The following EPHB2 variants were observed in gnomAD, a reference collection of about 807,000 sequenced individuals.
EPHB2 encodes the protein EPH receptor B2.
A neutral mutation model predicts 96.4 loss-of-function variants in EPHB2; 18 were observed. The ratio of observed to expected loss-of-function variants is 0.19; its 90% CI spans 0.13 to 0.28. The LOEUF is 0.28. Ranked by LOEUF, EPHB2 falls within the 10% of genes least tolerant of loss-of-function variation. The pLI, the probability that EPHB2 is intolerant of heterozygous loss-of-function variation, is 1.00. For synonymous variants in EPHB2, 506 were observed against 534.1 expected (o/e 0.95, Z 0.72); for missense variants, 989 against 1,355.4 (o/e 0.73, Z 4.25).
At chr1:22,791,467 CTTTCT>C (rs1202177224) in intron 3 of EPHB2, among the ~76,000 whole-genome samples, 190 of 129,062 alleles carry the variant, frequency 1.5e-3, no homozygotes, top group East Asian at 0.01. Flanking sequence ...TTCTTTCTTT[CTTTCT>C]TTTTTTTTTT....
intron 5 of EPHB2, among the ~76,000 whole-genome samples, chr1:22,877,013 C>T (rs1240196752): frequency 7.0e-5 from 10 of 142,304 alleles, no homozygotes; most frequent in Admixed American, 6.9e-4. Flanking sequence ...AGAGCTGGGG[C>T]GGGCCGGGTG....
intron 4 of EPHB2, 141 bp downstream of exon 4, chr1:22,863,333 A>C: frequency 7.1e-7 from 1 of 1,409,600 alleles, no homozygotes; most frequent in Non-Finnish European, 9.7e-7. Flanking sequence ...GTGCTCAAGA[A>C]AGGGGCATCC....
intron 9 of EPHB2, among the ~76,000 whole-genome samples, chr1:22,904,126 T>C (rs1399126358): frequency 1.3e-5 from 2 of 152,082 alleles, no homozygotes; most frequent in Non-Finnish European, 1.5e-5. Context: ...ATTAAAACTC[T>C]ATGAAAAATA....
chr1:22,916,818 G>A lies in EPHB2; in HGVS notation c.*3248G>A, dbSNP rs1640282960. 1 of 152,384 alleles carries A rather than the reference G, an allele frequency of 6.6e-6. No individual in the cohort carries two copies. The highest frequency in any genetic ancestry group is 1.9e-4 in the East Asian group (1 of 5,186). The allele number at this position is 152,384 out of a possible 1,614,324, so 9.4% of individuals were successfully genotyped here. A position where few individuals can be genotyped will look rare whatever the true frequency, so the allele number is the denominator to read the frequency against. Reference sequence around the variant, plus strand: ...TGGAAATGGGGACCAGCTGCTCTGGGAGGGTGCAGCTAGCAGAGCTGTGCA... The same window carrying A: ...TGGAAATGGGGACCAGCTGCTCTGGAAGGGTGCAGCTAGCAGAGCTGTGCA... On this transcript the variant is annotated 3_prime_UTR_variant, in exon 16 of 16. Transcript: ENST00000374630. The surrounding 1 kb of genome is among the most constrained non-coding windows in gnomAD (Gnocchi z 4.2).
intron 5 of EPHB2, among the ~76,000 whole-genome samples, chr1:22,878,269 T>C (rs1005443984): frequency 1.3e-5 from 2 of 152,272 alleles, no homozygotes; most frequent in African/African-American, 4.8e-5. Context: ...GAGCAGCCCC[T>C]GCTCTTGTTC....
chr1:22,832,670 C>A (rs1256375777), intron 3 of EPHB2, among the ~76,000 whole-genome samples: 1 of 152,196 alleles, frequency 6.6e-6, no homozygotes, highest in Non-Finnish European at 1.5e-5. Flanking sequence ...CCTGACCACA[C>A]AAGAGCCTGG....
At chr1:22,848,115 G>C (rs1370312888) in intron 3 of EPHB2, among the ~76,000 whole-genome samples, 1 of 152,178 alleles carries the variant, frequency 6.6e-6, no homozygotes, top group African/African-American at 2.4e-5. Flanking sequence ...CTCAAATCAA[G>C]GGCAGGCCCT....
At chr1:22,748,047 TC>T (rs1644002678) in intron 1 of EPHB2, among the ~76,000 whole-genome samples, 1 of 152,232 alleles carries the variant, frequency 6.6e-6, no homozygotes, top group Non-Finnish European at 1.5e-5. Flanking sequence ...CTAGTTCACA[TC>T]CTGGCTCAAC....
intron 1 of EPHB2, among the ~76,000 whole-genome samples, chr1:22,729,663 C>T (rs1643659742): frequency 6.6e-6 from 1 of 152,226 alleles, no homozygotes; most frequent in East Asian, 1.9e-4. Context: ...TCTCACCCAT[C>T]CTCCATGTTT....
At chr1:22,807,235 G>A (rs1570314509) in intron 3 of EPHB2, among the ~76,000 whole-genome samples, 1 of 152,176 alleles carries the variant, frequency 6.6e-6, no homozygotes, top group African/African-American at 2.4e-5. Flanking sequence ...GGCACTGTAG[G>A]GTGTAGATGC....
chr1:22,726,993 C>T (rs34582119), intron 1 of EPHB2, among the ~76,000 whole-genome samples: 37,194 of 152,134 alleles, frequency 0.24, 5,076 homozygotes, highest in Middle Eastern at 0.34. Flanking sequence ...TTTGTATGAG[C>T]CATGGTGAAC....
intron 5 of EPHB2, among the ~76,000 whole-genome samples, chr1:22,872,002 C>T (rs565116116): frequency 3.7e-5 from 5 of 136,448 alleles, no homozygotes; most frequent in Non-Finnish European, 6.3e-5. Context: ...GGTAACAGAG[C>T]GAGACTCCAT....
At chr1:22,898,829 A>G (rs309543) in intron 9 of EPHB2, among the ~76,000 whole-genome samples, 105,547 of 152,084 alleles carry the variant, frequency 0.69, 37,203 homozygotes, top group East Asian at 0.88. Context: ...CTGGATGTGG[A>G]TACGTAAGAA....
At chr1:22,802,605 A>C (rs887529555) in intron 3 of EPHB2, among the ~76,000 whole-genome samples, 1 of 152,054 alleles carries the variant, frequency 6.6e-6, no homozygotes, top group Admixed American at 6.5e-5. Flanking sequence ...GCTCGAGGAC[A>C]CAAGGGTAGT....
Position 22,784,243 on chromosome 1 carries a change from T to C in EPHB2, c.127-149T>C, listed in dbSNP as rs1644575045. ...GTGTGCCTTTCCCACCTGATTGGCA[T>C]GTCTCCCCCATCAGATTGGGAATTC... On this transcript the variant is annotated intron_variant, in intron 2 of 15. Coordinates refer to ENST00000374630, the MANE Select transcript of EPHB2 (RefSeq NM_017449.5). This position sits in a 1 kb window ranked among gnomAD's most constrained non-coding sequence, Gnocchi z 5.1. The C allele has an allele frequency of 1.3e-6, 1 of 743,534 alleles. No homozygotes were observed. The highest frequency in any genetic ancestry group is 2.0e-5 in the Admixed American group (1 of 48,920). 46.1% of individuals were successfully genotyped at this position (743,534 alleles called of 1,614,324 possible). A position where few individuals can be genotyped will look rare whatever the true frequency, so the allele number is the denominator to read the frequency against.
intron 1 of EPHB2, among the ~76,000 whole-genome samples, chr1:22,714,657 T>C (rs2148330224): frequency 6.6e-6 from 1 of 152,288 alleles, no homozygotes; most frequent in East Asian, 1.9e-4. Flanking sequence ...TCAAGGGACC[T>C]GGCCAGATTC....
intron 5 of EPHB2, 131 bp downstream of exon 5, chr1:22,865,343 G>C (rs1043134631): frequency 2.8e-6 from 3 of 1,058,678 alleles, no homozygotes; most frequent in Non-Finnish European, 4.3e-6. Context: ...TCATGTGATC[G>C]GTCCACCTGG....
intron 1 of EPHB2, among the ~76,000 whole-genome samples, chr1:22,778,920 A>G (rs1455988742): frequency 2.0e-5 from 3 of 152,208 alleles, no homozygotes; most frequent in East Asian, 1.9e-4. Context: ...TCTCTGGGCC[A>G]TGGAATCCTC....
intron 5 of EPHB2, 148 bp from the exon 6 acceptor site, chr1:22,882,211 C>T: frequency 7.1e-7 from 1 of 1,399,426 alleles, no homozygotes; most frequent in South Asian, 1.2e-5. Context: ...CCCCTGTCGG[C>T]TCCCCGAGAC....
Sources: gnomAD v4.1 joint callset for allele counts (sites outside exome capture counted in the v4.1 genomes callset) on GRCh38, gnomAD v4.1.1 for gene constraint, Gnocchi (gnomAD v3.1) non-coding constraint, MANE v1.5 for transcripts, NCBI Gene and HGNC (gene_info 2026-07-23, HGNC 2026-07-21) for gene names.